KCNN2: variants seen among roughly 807,000 people sequenced by gnomAD.
The protein encoded by KCNN2 is small conductance calcium-activated potassium channel protein 2.
A neutral mutation model predicts 55.5 loss-of-function variants in KCNN2; 24 were observed. The observed-to-expected ratio is 0.43, with a 90% CI of 0.31 to 0.61. The LOEUF (loss-of-function observed/expected upper bound fraction) is 0.61, where lower values mean the gene tolerates loss of function less well. KCNN2 is among the 20% of genes least tolerant of loss of function. The pLI is 0.08. For missense variants in KCNN2, 754 were observed against 853.6 expected, an observed-to-expected ratio of 0.88 and a Z score of 1.45; for synonymous variants, 431 against 336.1, an observed-to-expected ratio of 1.28 and a Z score of -3.09.
At chr5:114,260,650 T>G (rs1043317769) in intron 2 of KCNN2, among the ~76,000 whole-genome samples, 40 of 152,344 alleles carry the variant, frequency 2.6e-4, no homozygotes, top group Admixed American at 5.2e-4. Context: ...AATGAATGAA[T>G]AAATAGAAGG....
rs1438579735 is a variant in KCNN2 at position 114,237,043 on chromosome 5, G to A, written c.-185+15478G>A. ...TGTGGTGAACAGTGCTGCTAAAATAGTCTTGAACATAAGTCTTGCTATACA... is the reference window on the plus strand; with the variant it reads ...TGTGGTGAACAGTGCTGCTAAAATAATCTTGAACATAAGTCTTGCTATACA... On this transcript the variant is annotated intron_variant, in intron 2 of 10. Transcript: ENST00000512097. 2.0e-5 allele frequency among the ~76,000 whole-genome samples: 3 copies of A among 152,084 alleles called. No individual in the cohort carries two copies. The East Asian group carries it at 5.8e-4, about 29-fold the overall frequency.
chr5:114,170,957 G>A (rs568417572), intron 1 of KCNN2, among the ~76,000 whole-genome samples: 1 of 151,886 alleles, frequency 6.6e-6, no homozygotes, highest in South Asian at 2.1e-4. Context: ...TATCATATAG[G>A]TACTGTGAGT....
Position 114,063,621 on chromosome 5 carries a change from T to A in KCNN2, c.-271+7121T>A, listed in dbSNP as rs564710919. Among the ~76,000 whole-genome samples the A allele has an allele frequency of 5.9e-5, 9 of 152,302 alleles. No homozygotes were observed. The South Asian group carries it at 1.4e-3, about 25-fold the overall frequency. On this transcript the variant is annotated intron_variant, in intron 1 of 10. Transcript: ENST00000512097. ...AATTTTGAGAAGACTCAGGTGAGGA[T>A]AATGGAACTGCATTTCAGAAATAAA...
intron 2 of KCNN2, among the ~76,000 whole-genome samples, chr5:114,285,126 G>T (rs1755711927): frequency 6.6e-6 from 1 of 150,764 alleles, no homozygotes; most frequent in South Asian, 2.1e-4. Context: ...ACTAAAAAAT[G>T]TAAAAAAATT....
At chr5:114,416,093 A>C (rs1207265960) in intron 3 of KCNN2, among the ~76,000 whole-genome samples, 4 of 152,198 alleles carry the variant, frequency 2.6e-5, no homozygotes, top group Non-Finnish European at 4.4e-5. Flanking sequence ...AGGAAAGAGC[A>C]AAAAAAGACT....
At chr5:114,188,299 A>T (rs797003893) in intron 1 of KCNN2, among the ~76,000 whole-genome samples, 1 of 152,140 alleles carries the variant, frequency 6.6e-6, no homozygotes, top group Non-Finnish European at 1.5e-5. Context: ...ACTCTTTCAG[A>T]TCAAAACAAT....
At chr5:114,383,218 A>G (rs1758178563) in intron 2 of KCNN2, among the ~76,000 whole-genome samples, 1 of 152,030 alleles carries the variant, frequency 6.6e-6, no homozygotes, top group Non-Finnish European at 1.5e-5. Context: ...CCTGTTTCCA[A>G]ATTTTACCTT....
chr5:114,287,832 C>G (rs1477247901), intron 2 of KCNN2, among the ~76,000 whole-genome samples: 1 of 151,394 alleles, frequency 6.6e-6, no homozygotes, highest in Non-Finnish European at 1.5e-5. Context: ...AACTACAAAA[C>G]TTTTAGACAT....
intron 2 of KCNN2, among the ~76,000 whole-genome samples, chr5:114,249,181 C>CT (rs371964816): frequency 1.3e-5 from 2 of 150,960 alleles, no homozygotes; most frequent in Admixed American, 6.6e-5. Flanking sequence ...ATTAACATTT[C>CT]TTTTTTTTTA....
At chr5:114,215,529 G>C (rs886584780) in intron 1 of KCNN2, among the ~76,000 whole-genome samples, 1 of 152,118 alleles carries the variant, frequency 6.6e-6, no homozygotes, top group African/African-American at 2.4e-5. Context: ...AAAAACAGTT[G>C]TCTCCTTGCT....
At chr5:114,340,966 T>C (rs1422818375) in intron 2 of KCNN2, among the ~76,000 whole-genome samples, 2 of 152,326 alleles carry the variant, frequency 1.3e-5, no homozygotes, top group East Asian at 3.9e-4. Context: ...ATTATTTAAC[T>C]TGGCATAATG....
intron 2 of KCNN2, among the ~76,000 whole-genome samples, chr5:114,372,297 G>A (rs1757783837): frequency 6.6e-6 from 1 of 152,132 alleles, no homozygotes; most frequent in African/African-American, 2.4e-5. Flanking sequence ...GACAAGCCAA[G>A]GTCAGAGTTT....
At chr5:114,393,837 G>A (rs1158887851) in intron 2 of KCNN2, among the ~76,000 whole-genome samples, 3 of 149,298 alleles carry the variant, frequency 2.0e-5, no homozygotes, top group East Asian at 3.9e-4. Flanking sequence ...CATATAACAC[G>A]TTTCTTCATC....
At chr5:114,120,318 A>T (rs1561483814) in intron 1 of KCNN2, among the ~76,000 whole-genome samples, 1 of 152,216 alleles carries the variant, frequency 6.6e-6, no homozygotes, top group East Asian at 1.9e-4. Context: ...GGGGCTGTTG[A>T]TTAATAGGAT....
At chr5:114,398,690 C>T (rs566457416) in intron 2 of KCNN2, among the ~76,000 whole-genome samples, 14 of 152,050 alleles carry the variant, frequency 9.2e-5, no homozygotes, top group Admixed American at 3.3e-4. Context: ...AATGCTTTTC[C>T]GTTTGTTTAT....
intron 2 of KCNN2, among the ~76,000 whole-genome samples, chr5:114,232,724 G>C (rs1227910480): frequency 6.6e-6 from 1 of 150,452 alleles, no homozygotes; most frequent in Non-Finnish European, 1.5e-5. Context: ...GTGTCAAAAA[G>C]TTTTATCTCA....
chr5:114,363,864 G>A lies in KCNN2; in HGVS notation c.1123-42G>A, dbSNP rs746104279. 6.0e-6 allele frequency: 9 copies of A among 1,500,338 alleles called. No individual in the cohort carries two copies. In the South Asian group the frequency reaches 9.0e-5, roughly 15 times the overall value. 92.9% of individuals were successfully genotyped at this position (1,500,338 alleles called of 1,614,324 possible). On this transcript the variant is annotated intron_variant, in intron 1 of 7. Transcript: ENST00000673685. ...CTGGGGACGTGGAAGGCGGTTAAAA[G>A]TGCTTCTTTCTTAAAAGTGCTTCTG...
intron 2 of KCNN2, among the ~76,000 whole-genome samples, chr5:114,279,694 T>C (rs1755579718): frequency 6.6e-6 from 1 of 152,206 alleles, no homozygotes; most frequent in South Asian, 2.1e-4. Context: ...TAATCCAGTC[T>C]ATCATTGATG....
rs772770443 is a variant in KCNN2, at chr5:114,455,207, C to T, written c.1638-7842C>T. On this transcript the variant is annotated intron_variant, in intron 3 of 7. Transcript: ENST00000673685. ...CTGAAGGACTGTGTCAGTGCTGCAT[C>T]GAGCTAGGCGATCAGCATCATTTTT... Among the ~76,000 whole-genome samples the T allele has an allele frequency of 2.1e-4, 32 of 152,268 alleles. No individual in the cohort carries two copies. In the Middle Eastern group the frequency reaches 0.01, roughly 49 times the overall value.
Sources: allele counts gnomAD v4.1 joint callset (sites outside exome capture counted in the v4.1 genomes callset), GRCh38; gene constraint gnomAD v4.1.1; transcripts MANE v1.5; gene names NCBI Gene and HGNC (gene_info 2026-07-23, HGNC 2026-07-21).